Variants in NKAIN2 observed in about 807,000 individuals in gnomAD.
NKAIN2 encodes sodium/potassium transporting ATPase interacting 2.
In NKAIN2, 14 loss-of-function variants were observed where a neutral mutation model predicts 32.6. The ratio of observed to expected loss-of-function variants is 0.43; its 90% CI spans 0.28 to 0.67. NKAIN2 has a LOEUF of 0.67. Ranked by LOEUF, NKAIN2 falls within the 30% of genes least tolerant of loss-of-function variation. The pLI is 0.17. For synonymous variants in NKAIN2, 80 were observed against 87.2 expected (o/e 0.92, Z 0.46); for missense variants, 198 against 258.3 (o/e 0.77, Z 1.60).
chr6:124,687,135 A>T (rs1562324218), intron 4 of NKAIN2, among the ~76,000 whole-genome samples: 1 of 147,432 alleles, frequency 6.8e-6, no homozygotes, highest in South Asian at 2.1e-4. Context: ...AGCTCCCTTA[A>T]ATATATATAT....
At chr6:124,079,989 G>T (rs1240319921) in intron 1 of NKAIN2, among the ~76,000 whole-genome samples, 5 of 152,006 alleles carry the variant, frequency 3.3e-5, no homozygotes, top group African/African-American at 1.2e-4. Flanking sequence ...AATGGTGGGT[G>T]GGAGGAAGTA....
intron 1 of NKAIN2, among the ~76,000 whole-genome samples, chr6:124,070,232 A>T (rs1375843507): frequency 6.6e-6 from 1 of 152,140 alleles, no homozygotes; most frequent in African/African-American, 2.4e-5. Flanking sequence ...AAACTAATGA[A>T]TCTGTTTTTG....
intron 3 of NKAIN2, among the ~76,000 whole-genome samples, chr6:124,360,093 T>C (rs562832263): frequency 2.2e-4 from 33 of 152,354 alleles, no homozygotes; most frequent in African/African-American, 7.0e-4. Flanking sequence ...TTGCGAATGT[T>C]GAACCAGCCT....
chr6:123,887,487 A>AT (rs1233584238), intron 1 of NKAIN2, among the ~76,000 whole-genome samples: 2 of 152,154 alleles, frequency 1.3e-5, no homozygotes, highest in African/African-American at 4.8e-5. Context: ...AGCTGTATCA[A>AT]TTAAAGGGTA....
chr6:124,230,914 T>A (rs1792415839), intron 1 of NKAIN2, among the ~76,000 whole-genome samples: 1 of 152,188 alleles, frequency 6.6e-6, no homozygotes, highest in Non-Finnish European at 1.5e-5. Context: ...CTAGTGGAGC[T>A]GTGAGAAGGG....
intron 1 of NKAIN2, among the ~76,000 whole-genome samples, chr6:123,845,897 A>G (rs952542984): frequency 2.0e-5 from 3 of 152,190 alleles, no homozygotes; most frequent in Admixed American, 6.5e-5. Flanking sequence ...TATTCATCTA[A>G]CATATATACA....
intron 3 of NKAIN2, among the ~76,000 whole-genome samples, chr6:124,424,768 G>A (rs1364826522): frequency 1.3e-5 from 2 of 152,010 alleles, no homozygotes; most frequent in East Asian, 3.9e-4. Flanking sequence ...TCTTTTTAAG[G>A]CTGATTAACA....
intron 3 of NKAIN2, among the ~76,000 whole-genome samples, chr6:124,601,359 G>A (rs533771482): frequency 3.3e-5 from 5 of 152,032 alleles, no homozygotes; most frequent in South Asian, 2.1e-4. Context: ...TGCCTATTGC[G>A]TACACAATTC....
chr6:124,094,637 C>T (rs951691646), intron 1 of NKAIN2, among the ~76,000 whole-genome samples: 2 of 152,034 alleles, frequency 1.3e-5, no homozygotes, highest in Non-Finnish European at 2.9e-5. Flanking sequence ...AGTTAAATGC[C>T]TTATGTTTTT....
rs549594872 is a variant in NKAIN2 at position 124,589,465 on chromosome 6, T to A, written c.274-68721T>A. On this transcript the variant is annotated intron_variant, in intron 3 of 6. Coordinates refer to ENST00000368417, the MANE Select transcript of NKAIN2 (RefSeq NM_001040214.3). Reference sequence around the variant, plus strand: ...TTTCTTGATAACGTGGGGTCACTATTAAAACCATGTTACCTCAATTGTAAG... The same window carrying A: ...TTTCTTGATAACGTGGGGTCACTATAAAAACCATGTTACCTCAATTGTAAG... 5.9e-5 allele frequency among the ~76,000 whole-genome samples: 9 copies of A among 152,288 alleles called. No homozygotes were observed. In the South Asian group the frequency reaches 1.7e-3, roughly 28 times the overall value.
chr6:124,524,159 G>A (rs1198852892), intron 3 of NKAIN2, among the ~76,000 whole-genome samples: 1 of 152,160 alleles, frequency 6.6e-6, no homozygotes, highest in Non-Finnish European at 1.5e-5. Context: ...ACAGGCATTA[G>A]TTACTCAGTG....
intron 1 of NKAIN2, among the ~76,000 whole-genome samples, chr6:124,136,020 A>G (rs149680548): frequency 4.2e-4 from 64 of 152,256 alleles, no homozygotes; most frequent in Non-Finnish European, 7.2e-4. Context: ...AAAAAAAGCA[A>G]TAACAAAGAT....
intron 1 of NKAIN2, among the ~76,000 whole-genome samples, chr6:123,929,970 A>G (rs1776180562): frequency 6.6e-6 from 1 of 152,072 alleles, no homozygotes; most frequent in African/African-American, 2.4e-5. Context: ...CTATAGTGAG[A>G]ATTTACCATA....
At chr6:124,658,058 C>T in intron 3 of NKAIN2, 128 bp from the exon 4 acceptor site, 2 of 661,978 alleles carry the variant, frequency 3.0e-6, no homozygotes, top group Admixed American at 3.1e-5. Context: ...TAAAATACAG[C>T]ATGGGGTAGG....
rs1209317399 is a variant in NKAIN2, at chr6:124,804,466, T to C, written c.535+13067T>C. 4 of 953,800 alleles carry C rather than the reference T, an allele frequency of 4.2e-6. No individual in the cohort carries two copies. The African/African-American group carries it at 5.3e-5, about 13-fold the overall frequency. The allele number at this position is 953,800 out of a possible 1,614,324, so 59.1% of individuals were successfully genotyped here. A position where few individuals can be genotyped will look rare whatever the true frequency, so the allele number is the denominator to read the frequency against. Reference sequence around the variant, plus strand: ...CTTTTCACTTTCATTGTTTAGCACGTGTGAATGTGTTACCAAGCTTAAAAT... The same window carrying C: ...CTTTTCACTTTCATTGTTTAGCACGCGTGAATGTGTTACCAAGCTTAAAAT... On this transcript the variant is annotated intron_variant, in intron 5 of 6. Transcript: ENST00000368417.
chr6:124,601,950 T>G (rs1782323638), intron 3 of NKAIN2, among the ~76,000 whole-genome samples: 1 of 152,022 alleles, frequency 6.6e-6, no homozygotes, highest in South Asian at 2.1e-4. Flanking sequence ...AGTCTTTTTC[T>G]TTTCTTTTTT....
intron 1 of NKAIN2, among the ~76,000 whole-genome samples, chr6:124,210,970 G>A (rs529513578): frequency 1.3e-5 from 2 of 150,350 alleles, no homozygotes; most frequent in East Asian, 3.9e-4. Context: ...AGGATATCCA[G>A]TACTATGTCA....
chr6:123,989,382 C>T (rs973913313), intron 1 of NKAIN2, among the ~76,000 whole-genome samples: 2 of 152,080 alleles, frequency 1.3e-5, no homozygotes, highest in Admixed American at 6.5e-5. Context: ...AGGACTTGAG[C>T]GACATTGTTA....
chr6:124,509,150 G>A (rs182916708), intron 3 of NKAIN2, among the ~76,000 whole-genome samples: 77 of 152,252 alleles, frequency 5.1e-4, no homozygotes, highest in Admixed American at 1.5e-3. Context: ...AATTCCAATC[G>A]CTGCCTTCCC....
Sources: gnomAD v4.1 joint callset for allele counts (sites outside exome capture counted in the v4.1 genomes callset) on GRCh38, gnomAD v4.1.1 for gene constraint, MANE v1.5 for transcripts, NCBI Gene and HGNC (gene_info 2026-07-23, HGNC 2026-07-21) for gene names.